The following MECOM variants were observed in gnomAD, a reference collection of about 807,000 sequenced individuals.
The protein encoded by MECOM is MDS1 and EVI1 complex locus.
A neutral mutation model predicts 116.3 loss-of-function variants in MECOM; 13 were observed. The ratio of observed to expected loss-of-function variants is 0.11; its 90% CI spans 0.07 to 0.18. The LOEUF (loss-of-function observed/expected upper bound fraction) is 0.18, where lower values mean the gene tolerates loss of function less well. MECOM is among the 10% of genes least tolerant of loss of function. MECOM has a pLI of 1.00. For missense variants in MECOM, 1,299 were observed against 1,509.0 expected (o/e 0.86, Z 2.31); for synonymous variants, 528 against 535.2 (o/e 0.99, Z 0.19).
chr3:169,239,964 G>C (rs1754583475), intron 2 of MECOM, among the ~76,000 whole-genome samples: 1 of 152,162 alleles, frequency 6.6e-6, no homozygotes, highest in African/African-American at 2.4e-5. Context: ...TTCATTTCCT[G>C]TCTTTAATTC....
At chr3:169,494,360 G>C (rs1165028578) in intron 1 of MECOM, among the ~76,000 whole-genome samples, 1 of 152,008 alleles carries the variant, frequency 6.6e-6, no homozygotes, top group Non-Finnish European at 1.5e-5. Context: ...AGGGCGTAAG[G>C]CAGCCCAAAT....
intron 1 of MECOM, among the ~76,000 whole-genome samples, chr3:169,464,604 G>A (rs2108754284): frequency 6.6e-6 from 1 of 152,112 alleles, no homozygotes; most frequent in Non-Finnish European, 1.5e-5. Flanking sequence ...GGGAAAAGTG[G>A]GGAAAGTTCT....
intron 2 of MECOM, among the ~76,000 whole-genome samples, chr3:169,164,719 T>C (rs187979616): frequency 3.9e-5 from 6 of 152,058 alleles, no homozygotes; most frequent in South Asian, 2.1e-4. Context: ...ATAAAAACAA[T>C]TATATTTGAT....
In MECOM at chr3:169,251,215, C is replaced by T. The variant is rs553743154; in HGVS notation, c.376-107383G>A. On this transcript the variant is annotated intron_variant, in intron 2 of 16. Coordinates refer to ENST00000651503, the MANE Select transcript of MECOM (RefSeq NM_004991.4). Reference sequence around the variant, plus strand: ...AGTTTTTAGCAAAGGAAATGGATCCCATGAAGCAAATGTATCATTCCTTTC... The same window carrying T: ...AGTTTTTAGCAAAGGAAATGGATCCTATGAAGCAAATGTATCATTCCTTTC... Among the ~76,000 whole-genome samples the T allele has an allele frequency of 3.3e-5, 5 of 152,228 alleles. No individual in the cohort carries two copies. The East Asian group carries it at 9.6e-4, about 29-fold the overall frequency.
chr3:169,494,712 G>C (rs1443914143), intron 1 of MECOM, among the ~76,000 whole-genome samples: 1 of 152,194 alleles, frequency 6.6e-6, no homozygotes, highest in Non-Finnish European at 1.5e-5. Context: ...GACAGTGAGG[G>C]ACCCTGGAGC....
At chr3:169,466,738 G>GAGA (rs1450588018) in intron 1 of MECOM, among the ~76,000 whole-genome samples, 2 of 152,160 alleles carry the variant, frequency 1.3e-5, no homozygotes, top group East Asian at 3.9e-4. Context: ...GATACATAGA[G>GAGA]AGAGATTCTG....
intron 5 of MECOM, among the ~76,000 whole-genome samples, chr3:169,123,568 A>G (rs1011835448): frequency 2.0e-4 from 30 of 152,090 alleles, no homozygotes; most frequent in African/African-American, 7.0e-4. Context: ...AATATTATAG[A>G]TAATGGATTA....
intron 2 of MECOM, among the ~76,000 whole-genome samples, chr3:169,175,421 A>G (rs968113089): frequency 1.6e-4 from 24 of 152,172 alleles, no homozygotes; most frequent in Non-Finnish European, 2.9e-4. Context: ...AAAATTACTA[A>G]AAATATTCTA....
At chr3:169,317,131 G>A (rs981374830) in intron 2 of MECOM, among the ~76,000 whole-genome samples, 1 of 152,162 alleles carries the variant, frequency 6.6e-6, no homozygotes, top group Admixed American at 6.5e-5. Context: ...AAGGGTTTCA[G>A]TGGTATCAGC....
chr3:169,517,334 A>G (rs999967348), intron 1 of MECOM, among the ~76,000 whole-genome samples: 16 of 152,202 alleles, frequency 1.1e-4, no homozygotes, highest in African/African-American at 3.4e-4. Context: ...ATGATCTTCT[A>G]GTTTCCTTTG....
At chr3:169,100,807 AATT>A (rs1266245662) in intron 12 of MECOM, 75 bp downstream of exon 12, 31 of 818,866 alleles carry the variant, frequency 3.8e-5, no homozygotes, top group Non-Finnish European at 4.9e-5. Context: ...TATAAACTTT[AATT>A]ATTATTTTAT....
chr3:169,173,192 T>C (rs919494363), intron 2 of MECOM, among the ~76,000 whole-genome samples: 2 of 152,166 alleles, frequency 1.3e-5, no homozygotes, highest in Non-Finnish European at 2.9e-5. Flanking sequence ...ATGATCTCCT[T>C]GTTTGGCATT....
At chr3:169,110,887 T>G (rs1264034531) in intron 9 of MECOM, among the ~76,000 whole-genome samples, 1 of 152,224 alleles carries the variant, frequency 6.6e-6, no homozygotes, top group Non-Finnish European at 1.5e-5. Context: ...TTTGTGAAGA[T>G]CTGAGGAATG....
intron 1 of MECOM, among the ~76,000 whole-genome samples, chr3:169,526,236 T>C (rs9876326): frequency 0.44 from 67,524 of 151,826 alleles, 15,873 homozygotes; most frequent in African/African-American, 0.59. Flanking sequence ...TTTTTCCAGA[T>C]AGGCGTTTGA....
chr3:169,374,738 A>G (rs78939045), intron 2 of MECOM, among the ~76,000 whole-genome samples: 3,929 of 152,102 alleles, frequency 0.026, 118 homozygotes, highest in African/African-American at 0.071. Flanking sequence ...TATTGTAATT[A>G]GAAAGAACAT....
At chr3:169,622,760 G>C (rs1375842237) in intron 1 of MECOM, among the ~76,000 whole-genome samples, 1 of 152,192 alleles carries the variant, frequency 6.6e-6, no homozygotes, top group Non-Finnish European at 1.5e-5. Flanking sequence ...AAACTCTCAT[G>C]AAACGAAGCC....
chr3:169,293,482 A>G (rs1273903768), intron 2 of MECOM, among the ~76,000 whole-genome samples: 1 of 152,184 alleles, frequency 6.6e-6, no homozygotes, highest in Non-Finnish European at 1.5e-5. Context: ...TTAGGCTGAA[A>G]TGCTTTTTCT....
chr3:169,275,767 C>G (rs1759502745), intron 2 of MECOM, among the ~76,000 whole-genome samples: 2 of 152,118 alleles, frequency 1.3e-5, no homozygotes. Context: ...ATGCTGGACA[C>G]AATACCAGTT....
chr3:169,457,370 C>G (rs999142338), intron 1 of MECOM, among the ~76,000 whole-genome samples: 5 of 152,028 alleles, frequency 3.3e-5, no homozygotes, highest in Non-Finnish European at 7.4e-5. Flanking sequence ...AGAAACTCGG[C>G]CAAAGGATTA....
Sources: allele counts gnomAD v4.1 joint callset (sites outside exome capture counted in the v4.1 genomes callset), GRCh38; gene constraint gnomAD v4.1.1; transcripts MANE v1.5; gene names NCBI Gene and HGNC (gene_info 2026-07-23, HGNC 2026-07-21).